The following HCLS1 variants were observed in gnomAD, a reference collection of about 807,000 sequenced individuals.
The protein encoded by HCLS1 is hematopoietic cell-specific Lyn substrate 1, also known as hematopoietic lineage cell-specific protein.
HCLS1 carries 44 observed loss-of-function variants against 68.6 expected under a neutral mutation model. The observed-to-expected ratio is 0.64, with a 90% CI of 0.50 to 0.82. HCLS1 has a LOEUF of 0.82. Ranked by LOEUF, HCLS1 falls within the 40% of genes least tolerant of loss-of-function variation. The pLI is 0.00. For synonymous variants in HCLS1, 217 were observed against 225.8 expected (o/e 0.96, Z 0.35); for missense variants, 602 against 612.1 (o/e 0.98, Z 0.17).
At chr3:121,636,912 CTT>C (rs948079118) in intron 7 of HCLS1, among the ~76,000 whole-genome samples, 1 of 151,942 alleles carries the variant, frequency 6.6e-6, no homozygotes, top group Non-Finnish European at 1.5e-5. Context: ...TCAACGCCCC[CTT>C]CTCTCTCACC....
At position 121,657,327 on chromosome 3, in the gene HCLS1, C is replaced by T; in HGVS notation, c.110G>A (p.Arg37Gln). ...FVNDISEKEQ[R>Q]WGAKTIEGSG... ...CCCCTCGATGGTCTTGGCTCCCCAT[C>T]GTTGCTCCTTTTCAGAGATGTCATT... The change falls in exon 3 of 14, where the codon CGA becomes CAA. Residue 37 changes from arginine (R) to glutamine (Q), a missense_variant. Arg to Gln is a conservative substitution (Grantham distance 43). Coordinates refer to ENST00000314583, the MANE Select transcript of HCLS1 (RefSeq NM_005335.6). 2 of 1,614,096 alleles carry T rather than the reference C, an allele frequency of 1.2e-6. No homozygotes were observed. Among genetic ancestry groups the T allele is most frequent in the Non-Finnish European group, 1.7e-6 (2 of 1,179,984 alleles).
chr3:121,635,897 A>T, intron 8 of HCLS1, 93 bp from the exon 9 acceptor site: 1 of 922,454 alleles, frequency 1.1e-6, no homozygotes, highest in Non-Finnish European at 1.8e-6. Flanking sequence ...CCACTATAAG[A>T]GGTATCCCTA....
Position 121,631,810 on chromosome 3 carries a change from T to C in HCLS1, c.*36A>G, listed in dbSNP as rs2049100137. ...GGTGGAGGCAGAGCCACTTTGGACA[T>C]GGGAAATCACAGTTGCAGTAGACAG... On this transcript the variant is annotated 3_prime_UTR_variant, in exon 14 of 14. Coordinates refer to ENST00000314583, the MANE Select transcript of HCLS1 (RefSeq NM_005335.6). 1 of 1,612,000 alleles carries C rather than the reference T, an allele frequency of 6.2e-7. No homozygotes were observed. The highest frequency in any genetic ancestry group is 8.5e-7 in the Non-Finnish European group (1 of 1,178,338).
intron 3 of HCLS1, among the ~76,000 whole-genome samples, chr3:121,648,182 A>C (rs893703811): frequency 6.6e-6 from 1 of 152,142 alleles, no homozygotes; most frequent in Admixed American, 6.5e-5. Context: ...ACCTGAGAAA[A>C]CTAAGGACTA....
chr3:121,642,079 CAA>C lies in HCLS1; in HGVS notation c.454+846_454+847del, dbSNP rs1167544123. Among the ~76,000 whole-genome samples the C allele has an allele frequency of 1.7e-4, 11 of 64,570 alleles. No homozygotes were observed. The South Asian group carries it at 5.7e-3, about 33-fold the overall frequency. 42.4% of individuals were successfully genotyped at this position (64,570 alleles called of 152,430 possible). A position where few individuals can be genotyped will look rare whatever the true frequency, so the allele number is the denominator to read the frequency against. On this transcript the variant is annotated intron_variant, in intron 6 of 13. Coordinates refer to ENST00000314583, the MANE Select transcript of HCLS1 (RefSeq NM_005335.6). ...TGGGCGACAGAGCCAGACTCCGTCGCAAAAAAAAAAAAAAAAAAACTTGATCA... is the reference window on the plus strand; with the variant it reads ...TGGGCGACAGAGCCAGACTCCGTCGCAAAAAAAAAAAAAAAAACTTGATCA...
At position 121,631,906 on chromosome 3, in the gene HCLS1, C is replaced by T. The variant is rs1185469568; in HGVS notation, c.1401G>A (p.Arg467=). The change falls in exon 14 of 14, where the codon CGG becomes CGA. Residue 467 remains arginine (R), a synonymous_variant. Coordinates refer to ENST00000314583, the MANE Select transcript of HCLS1 (RefSeq NM_005335.6). ...DIEMVDEGWW[R]GRCHGHFGLF... ...GTCCAAAGTGGCCATGGCAACGTCC[C>T]CGCCACCAGCCCTCGTCCACCATCT... is the stretch of plus-strand genomic sequence containing the variant. 6.2e-7 allele frequency: 1 copy of T among 1,614,064 alleles called. No individual in the cohort carries two copies. Among genetic ancestry groups the T allele is most frequent in the Non-Finnish European group, 8.5e-7 (1 of 1,180,030 alleles).
chr3:121,646,130 A>G lies in HCLS1; in HGVS notation c.288+1189T>C, dbSNP rs1163286971. ...TTATATATAATATATACTTATATATAACAGATACTATATATAAGTATATAT... is the reference window on the plus strand; with the variant it reads ...TTATATATAATATATACTTATATATGACAGATACTATATATAAGTATATAT... On this transcript the variant is annotated intron_variant, in intron 4 of 13. Coordinates refer to ENST00000314583, the MANE Select transcript of HCLS1 (RefSeq NM_005335.6). Among the ~76,000 whole-genome samples the G allele has an allele frequency of 5.9e-5, 6 of 102,470 alleles. No homozygotes were observed. In the East Asian group the frequency reaches 1.8e-3, roughly 30 times the overall value. The allele number at this position is 102,470 out of a possible 152,430, so 67.2% of individuals were successfully genotyped here. A position where few individuals can be genotyped will look rare whatever the true frequency, so the allele number is the denominator to read the frequency against.
chr3:121,647,008 G>T (rs1201086486), intron 4 of HCLS1, among the ~76,000 whole-genome samples: 2 of 141,742 alleles, frequency 1.4e-5, no homozygotes, highest in Non-Finnish European at 3.0e-5. Flanking sequence ...TTGAGACAGA[G>T]TCTCGCTCTG....
At chr3:121,650,006 G>T (rs1208089512) in intron 3 of HCLS1, among the ~76,000 whole-genome samples, 2 of 152,040 alleles carry the variant, frequency 1.3e-5, no homozygotes, top group African/African-American at 4.8e-5. Flanking sequence ...CAGGATACAA[G>T]GTCATTATAT....
chr3:121,637,275 T>C lies in HCLS1; in HGVS notation c.455-19A>G. ...GAGTAATCTGTGGTCGAAGGAGCAG[T>C]CATGAGAGCCCACCCTTAGGCTCCA... On this transcript the variant is annotated intron_variant, in intron 6 of 13. Coordinates refer to ENST00000314583, the MANE Select transcript of HCLS1 (RefSeq NM_005335.6). 1 of 1,550,840 alleles carries C rather than the reference T, an allele frequency of 6.4e-7. No individual in the cohort carries two copies.
chr3:121,654,695 C>T (rs988660485), intron 3 of HCLS1, among the ~76,000 whole-genome samples: 1 of 152,176 alleles, frequency 6.6e-6, no homozygotes, highest in Admixed American at 6.5e-5. Flanking sequence ...GAACTGCAAC[C>T]ACTTCCTTTT....
chr3:121,643,173 A>G (rs2049217049), intron 5 of HCLS1, 192 bp from the exon 6 acceptor site: 1 of 503,024 alleles, frequency 2.0e-6, no homozygotes, highest in Non-Finnish European at 3.6e-6. Context: ...CCCTGGACAC[A>G]GACAGTTTTA....
rs376913911 is a variant in HCLS1, at chr3:121,642,394, A to G, written c.454+533T>C. On this transcript the variant is annotated intron_variant, in intron 6 of 13. Coordinates refer to ENST00000314583, the MANE Select transcript of HCLS1 (RefSeq NM_005335.6). ...TGAGGCAGGAGAATGGCGTGAACCC[A>G]GGACACAGAGCTTGCGGTGAGCCAA... Among the ~76,000 whole-genome samples the G allele has an allele frequency of 1.1e-4, 17 of 151,992 alleles. No individual in the cohort carries two copies. In the East Asian group the frequency reaches 2.1e-3, roughly 19 times the overall value.
Position 121,632,567 on chromosome 3 carries a change from A to C in HCLS1, c.1009-4T>G. 1 of 1,610,020 alleles carries C rather than the reference A, an allele frequency of 6.2e-7. No homozygotes were observed. The highest frequency in any genetic ancestry group is 8.5e-7 in the Non-Finnish European group (1 of 1,179,182). ...GAGCTGGGGGCTCCTCATTGTCCTG[A>C]GAAGAGACAGTGTGGAGCACTGTGA... On this transcript the variant is annotated splice_region_variant and splice_polypyrimidine_tract_variant and intron_variant, in intron 11 of 13. Transcript: ENST00000314583.
At chr3:121,635,865 A>C (rs1576461409) in intron 8 of HCLS1, 61 bp from the exon 9 acceptor site, 2 of 1,376,146 alleles carry the variant, frequency 1.5e-6, no homozygotes, top group East Asian at 4.6e-5. Flanking sequence ...GGTGACCTGG[A>C]GGTAGTATTG....
chr3:121,633,725 C>T (rs959901617), intron 10 of HCLS1, among the ~76,000 whole-genome samples: 3 of 151,880 alleles, frequency 2.0e-5, no homozygotes, highest in Non-Finnish European at 2.9e-5. Flanking sequence ...GTTTTTATAG[C>T]GATAGGTTCT....
In HCLS1 at chr3:121,634,381, C is replaced by A. The variant is rs1398018287; in HGVS notation, c.729G>T (p.Glu243Asp). 6.2e-7 allele frequency: 1 copy of A among 1,614,130 alleles called. No homozygotes were observed. The highest frequency in any genetic ancestry group is 8.5e-7 in the Non-Finnish European group (1 of 1,180,016). The change falls in exon 10 of 14, where the codon GAG becomes GAT. Residue 243 changes from glutamate to aspartate, a missense_variant. Physicochemically the swap from Glu to Asp is conservative, Grantham distance 45. Coordinates refer to ENST00000314583, the MANE Select transcript of HCLS1 (RefSeq NM_005335.6). Reference protein sequence around the residue: ...SGTRGLKAKFESMAEEKRKRE... With the variant: ...SGTRGLKAKFDSMAEEKRKRE... ...GCTTCCTCTTCTCCTCAGCCATGGACTCAAATTTCGCCTTCAGCCCACGGG... is the reference window on the plus strand; with the variant it reads ...GCTTCCTCTTCTCCTCAGCCATGGAATCAAATTTCGCCTTCAGCCCACGGG...
At chr3:121,648,327 C>A (rs1937656211) in intron 3 of HCLS1, among the ~76,000 whole-genome samples, 1 of 152,190 alleles carries the variant, frequency 6.6e-6, no homozygotes, top group Non-Finnish European at 1.5e-5. Context: ...TCTTACTTCA[C>A]ACCCACTTCC....
In HCLS1 at chr3:121,633,186, G is replaced by A. The variant is rs776739490; in HGVS notation, c.904-15C>T. The A allele has an allele frequency of 2.9e-5, 45 of 1,534,556 alleles. 1 individual carries two copies. The South Asian group carries it at 4.4e-4, about 15-fold the overall frequency. ...GGAGGCCAGGCCTGTGGAAAATGAA[G>A]CATCTCTCAAGTAAGCAAGCCTCCA... On this transcript the variant is annotated splice_polypyrimidine_tract_variant and intron_variant, in intron 10 of 13. Transcript: ENST00000314583.
Sources: allele counts gnomAD v4.1 joint callset (sites outside exome capture counted in the v4.1 genomes callset), GRCh38; gene constraint gnomAD v4.1.1; transcripts MANE v1.5; gene names NCBI Gene and HGNC (gene_info 2026-07-23, HGNC 2026-07-21).